Variants in JAK1 observed in about 807,000 individuals in gnomAD.
JAK1 encodes the protein Janus kinase 1.
A neutral mutation model predicts 136.6 loss-of-function variants in JAK1; 16 were observed. That is an observed-to-expected ratio of 0.12 (90% CI 0.08 to 0.18). The LOEUF (loss-of-function observed/expected upper bound fraction) is 0.18, where lower values mean the gene tolerates loss of function less well. Among genes scored for constraint, JAK1 ranks in the 10% least tolerant of loss-of-function variants. The pLI is 1.00. For synonymous variants in JAK1, 492 were observed against 519.5 expected, an observed-to-expected ratio of 0.95 and a Z score of 0.72; for missense variants, 859 against 1,450.1, an observed-to-expected ratio of 0.59 and a Z score of 6.62.
chr1:64,860,826 C>CTGTGTGTGTG lies in JAK1; in HGVS notation c.1177-574_1177-565dup, dbSNP rs72032330. Among the ~76,000 whole-genome samples, 147 of 120,562 alleles carry CTGTGTGTGTG rather than the reference C, an allele frequency of 1.2e-3. 7 individuals are homozygous for CTGTGTGTGTG. Among genetic ancestry groups the CTGTGTGTGTG allele is most frequent in the Non-Finnish European group, 1.4e-3 (79 of 54,648 alleles). 79.1% of individuals were successfully genotyped at this position (120,562 alleles called of 152,430 possible). On this transcript the variant is annotated intron_variant, in intron 8 of 24. Transcript: ENST00000342505. ...TATTATCTCAAACTATCAGATGACT[C>CTGTGTGTGTG]TGTGTGTGTGTGTGTGTGTGTGTGT... is the stretch of plus-strand genomic sequence containing the variant.
chr1:64,952,859 A>C (rs1249767817), intron 1 of JAK1, among the ~76,000 whole-genome samples: 1 of 152,202 alleles, frequency 6.6e-6, no homozygotes, highest in Non-Finnish European at 1.5e-5. Flanking sequence ...ACACATTCTC[A>C]TTTAATTTTC....
intron 1 of JAK1, among the ~76,000 whole-genome samples, chr1:64,914,296 A>C (rs1395046113): frequency 6.6e-6 from 1 of 152,208 alleles, no homozygotes; most frequent in Non-Finnish European, 1.5e-5. Context: ...AGTGAGGTTA[A>C]ATGAAGAGGG....
chr1:64,966,522 G>A lies in JAK1; in HGVS notation c.-267C>T, dbSNP rs1314423431. The A allele has an allele frequency of 2.0e-5, 3 of 150,162 alleles. No individual in the cohort carries two copies. The highest frequency in any genetic ancestry group is 4.5e-5 in the Non-Finnish European group (3 of 67,324). The allele number at this position is 150,162 out of a possible 1,614,324, so 9.3% of individuals were successfully genotyped here. ...TGTCTGCAGCTCCAGGATACTCCGC[G>A]GCCGCCGCGGCCTGCGCTCAGCGAC... On this transcript the variant is annotated 5_prime_UTR_variant, in exon 1 of 25. Transcript: ENST00000342505.
chr1:64,936,068 G>C (rs1039867248), intron 1 of JAK1, among the ~76,000 whole-genome samples: 1 of 152,120 alleles, frequency 6.6e-6, no homozygotes, highest in Non-Finnish European at 1.5e-5. Flanking sequence ...GTGTCAATAT[G>C]GGATCCGGCA....
At chr1:65,028,493 G>A (rs1349110785) in intron 2 of JAK1, among the ~76,000 whole-genome samples, 2 of 143,790 alleles carry the variant, frequency 1.4e-5, no homozygotes, top group Admixed American at 7.0e-5. Flanking sequence ...GGGAGGGAGG[G>A]AGGGAGGGAG....
At chr1:64,842,977 G>A (rs79135348) in intron 17 of JAK1, among the ~76,000 whole-genome samples, 3,242 of 152,102 alleles carry the variant, frequency 0.021, 131 homozygotes, top group African/African-American at 0.075. Context: ...AGAGACTCGG[G>A]GCCCCTGTCT....
At chr1:64,988,021 A>G (rs1646616178) in intron 2 of JAK1, among the ~76,000 whole-genome samples, 1 of 152,180 alleles carries the variant, frequency 6.6e-6, no homozygotes, top group South Asian at 2.1e-4. Context: ...TGTACCTCAT[A>G]CTTTTTAAGA....
Position 64,860,272 on chromosome 1 carries a change from GAGA to G in JAK1, c.1177-13_1177-11del. On this transcript the variant is annotated splice_polypyrimidine_tract_variant and intron_variant, in intron 8 of 24. Coordinates refer to ENST00000342505, the MANE Select transcript of JAK1 (RefSeq NM_002227.4). Reference sequence around the variant, plus strand: ...AAGAGAGCTTCAGTTCCTGTTGAGAGAGAAGAAATTCCCACGGTTACATCATGT... The same window carrying G: ...AAGAGAGCTTCAGTTCCTGTTGAGAGAGAAATTCCCACGGTTACATCATGT... The G allele has an allele frequency of 6.3e-7, 1 of 1,597,482 alleles. No individual in the cohort carries two copies. The highest frequency in any genetic ancestry group is 8.5e-7 in the Non-Finnish European group (1 of 1,170,114).
chr1:65,043,700 A>ATTTTTTTTTTTTTTTTTTTT (rs112982943), intron 2 of JAK1, among the ~76,000 whole-genome samples: 4 of 101,270 alleles, frequency 3.9e-5, no homozygotes, highest in Non-Finnish European at 4.2e-5. Context: ...CACCTGGCTA[A>ATTTTTTTTTTTTTTTTTTTT]TTTTTTTTTT....
intron 4 of JAK1, among the ~76,000 whole-genome samples, chr1:64,874,513 T>C (rs1657275504): frequency 2.6e-5 from 4 of 152,120 alleles, no homozygotes; most frequent in African/African-American, 7.2e-5. Context: ...AAGTTATGCA[T>C]GGATTGTCAA....
chr1:64,876,714 C>A (rs982347279), intron 4 of JAK1, among the ~76,000 whole-genome samples: 5 of 151,610 alleles, frequency 3.3e-5, no homozygotes, highest in Non-Finnish European at 5.9e-5. Context: ...CTATAGCATG[C>A]CAATGGAAAA....
intron 12 of JAK1, among the ~76,000 whole-genome samples, 160 bp from the exon 13 acceptor site, chr1:64,847,835 C>T (rs1655336309): frequency 6.6e-6 from 1 of 152,176 alleles, no homozygotes; most frequent in Non-Finnish European, 1.5e-5. Context: ...CCAGAGAAAA[C>T]AACAAGCTAT....
chr1:65,040,978 A>C (rs1054772007), intron 2 of JAK1, among the ~76,000 whole-genome samples: 1 of 152,190 alleles, frequency 6.6e-6, no homozygotes, highest in African/African-American at 2.4e-5. Flanking sequence ...GATGTATATC[A>C]TCGCTCCTGT....
chr1:64,925,673 G>A (rs867529898), intron 1 of JAK1, among the ~76,000 whole-genome samples: 2 of 152,072 alleles, frequency 1.3e-5, no homozygotes, highest in South Asian at 2.1e-4. Context: ...TAGTAATTCC[G>A]ACTAACATCA....
intron 2 of JAK1, among the ~76,000 whole-genome samples, chr1:64,982,827 A>AAC (rs1489669714): frequency 6.6e-6 from 1 of 152,140 alleles, no homozygotes; most frequent in East Asian, 1.9e-4. Context: ...GCACCAGAGT[A>AAC]ACATTAATAA....
chr1:64,839,285 C>T (rs533509265), intron 20 of JAK1, among the ~76,000 whole-genome samples: 1 of 152,024 alleles, frequency 6.6e-6, no homozygotes, highest in South Asian at 2.1e-4. Flanking sequence ...AATGAAATAC[C>T]CTGGCTAGTA....
intron 1 of JAK1, among the ~76,000 whole-genome samples, chr1:65,067,329 G>A (rs1648102558): frequency 1.3e-5 from 2 of 149,770 alleles, no homozygotes; most frequent in South Asian, 2.1e-4. Flanking sequence ...GAGCCCCACG[G>A]CTGCGTGTGC....
chr1:64,843,966 A>T, intron 17 of JAK1, 98 bp downstream of exon 17: 1 of 1,400,934 alleles, frequency 7.1e-7, no homozygotes, highest in Non-Finnish European at 9.9e-7. Flanking sequence ...ACCCATGCCC[A>T]TCTCTTCCCA....
intron 8 of JAK1, 97 bp downstream of exon 8, chr1:64,864,690 G>T: frequency 1.0e-6 from 1 of 1,004,050 alleles, no homozygotes; most frequent in Non-Finnish European, 1.5e-6. Flanking sequence ...TTCTCTTTAG[G>T]ACAGGAACTC....
Sources: allele counts gnomAD v4.1 joint callset (sites outside exome capture counted in the v4.1 genomes callset), GRCh38; gene constraint gnomAD v4.1.1; transcripts MANE v1.5; gene names NCBI Gene and HGNC (gene_info 2026-07-23, HGNC 2026-07-21).